BTRC: variants seen among roughly 807,000 people sequenced by gnomAD.
BTRC encodes the protein beta-transducin repeat containing E3 ubiquitin protein ligase.
In BTRC, 42 loss-of-function variants were observed where a neutral mutation model predicts 85.5. The ratio of observed to expected loss-of-function variants is 0.49; its 90% CI spans 0.38 to 0.64. The LOEUF is 0.64. BTRC is among the 30% of genes least tolerant of loss of function. The probability of loss-of-function intolerance (pLI) is 0.00; values close to 1 mark genes in which losing one functional copy is unlikely to be tolerated. For synonymous variants in BTRC, 255 were observed against 263.3 expected (o/e 0.97, Z 0.30); for missense variants, 594 against 743.5 (o/e 0.80, Z 2.34).
At chr10:101,481,839 A>G (rs1457402578) in intron 4 of BTRC, among the ~76,000 whole-genome samples, 3 of 152,108 alleles carry the variant, frequency 2.0e-5, no homozygotes, top group African/African-American at 4.8e-5. Flanking sequence ...ATCATTTCCT[A>G]TTGGAACCCA....
chr10:101,359,270 G>A, intron 1 of BTRC, among the ~76,000 whole-genome samples: 1 of 152,118 alleles, frequency 6.6e-6, no homozygotes, highest in Admixed American at 6.5e-5. Flanking sequence ...CCAGGTAGTG[G>A]GATGAACATC....
chr10:101,436,625 AATAGATAGATAGATAGATAG>A (rs113369211), intron 2 of BTRC, among the ~76,000 whole-genome samples: 140 of 147,084 alleles, frequency 9.5e-4, no homozygotes, highest in South Asian at 2.2e-3. Context: ...AATTAAAAAA[AATAGATAGATAGATAGATAG>A]ATAGATAGAT....
intron 2 of BTRC, among the ~76,000 whole-genome samples, chr10:101,431,916 G>T (rs1266246833): frequency 1.3e-5 from 2 of 152,006 alleles, no homozygotes; most frequent in East Asian, 1.9e-4. Context: ...AAGCATGCAG[G>T]TTCTAAAATT....
intron 8 of BTRC, among the ~76,000 whole-genome samples, 151 bp from the exon 9 acceptor site, chr10:101,532,781 TGTGTGTGTGCGCGTGTGCGC>T (rs1187890926): frequency 4.2e-4 from 34 of 80,608 alleles, no homozygotes; most frequent in African/African-American, 1.4e-3. Context: ...TGTGTGTGTG[TGTGTGTGTGCGCGTGTGCGC>T]GCGCGCGCGC....
chr10:101,553,021 A>G (rs2062675519), intron 14 of BTRC, 134 bp from the exon 15 acceptor site: 1 of 152,318 alleles, frequency 6.6e-6, no homozygotes, highest in Non-Finnish European at 1.5e-5. Context: ...TGCATGGCAT[A>G]GGCAGAGAGC....
chr10:101,499,998 A>C (rs1387613796), intron 4 of BTRC, among the ~76,000 whole-genome samples: 1 of 151,592 alleles, frequency 6.6e-6, no homozygotes, highest in Non-Finnish European at 1.5e-5. Flanking sequence ...GGCAAAGAAC[A>C]GTGGCCATCT....
rs186666664 is a variant in BTRC at position 101,504,142 on chromosome 10, A to G, written c.325-17497A>G. On this transcript the variant is annotated intron_variant, in intron 4 of 14. Transcript: ENST00000370187. ...GAAATTTTATTCTGGTAATCTTAACATAATTTGACATCTAGGTGAACAACC... is the reference window on the plus strand; with the variant it reads ...GAAATTTTATTCTGGTAATCTTAACGTAATTTGACATCTAGGTGAACAACC... Among the ~76,000 whole-genome samples the G allele has an allele frequency of 4.2e-3, 635 of 152,320 alleles. 10 individuals are homozygous for G. Among genetic ancestry groups the G allele is most frequent in the Non-Finnish European group, 5.1e-3 (346 of 68,026 alleles).
intron 2 of BTRC, among the ~76,000 whole-genome samples, chr10:101,451,186 A>G (rs1564780954): frequency 6.6e-6 from 1 of 152,208 alleles, no homozygotes; most frequent in Non-Finnish European, 1.5e-5. Flanking sequence ...AGGTAGCAGT[A>G]TTAAAAGAAC....
intron 1 of BTRC, among the ~76,000 whole-genome samples, chr10:101,363,997 A>C (rs1312501531): frequency 6.6e-6 from 1 of 152,248 alleles, no homozygotes; most frequent in East Asian, 1.9e-4. Context: ...TGGGTAGTGG[A>C]TGATCTAAAC....
intron 12 of BTRC, among the ~76,000 whole-genome samples, chr10:101,537,726 CA>C (rs1164360821): frequency 6.6e-6 from 1 of 152,200 alleles, no homozygotes; most frequent in African/African-American, 2.4e-5. Flanking sequence ...TGCTTTGGGA[CA>C]GCCATCACTG....
At position 101,538,148 on chromosome 10, in the gene BTRC, A is replaced by G. The variant is rs929133057; in HGVS notation, c.1578-145A>G. The G allele has an allele frequency of 1.9e-5, 13 of 695,028 alleles. No homozygotes were observed. In the Admixed American group the frequency reaches 2.6e-4, roughly 14 times the overall value. 43.1% of individuals were successfully genotyped at this position (695,028 alleles called of 1,614,324 possible). A position where few individuals can be genotyped will look rare whatever the true frequency, so the allele number is the denominator to read the frequency against. ...AACTGTCTTCAGTTTGGTTAAAGCT[A>G]GCCTGTTTCTCATTTGTAGGTTAAT... On this transcript the variant is annotated intron_variant, in intron 12 of 14. Transcript: ENST00000370187.
chr10:101,518,232 C>A (rs778338558), intron 4 of BTRC, among the ~76,000 whole-genome samples: 2 of 152,178 alleles, frequency 1.3e-5, no homozygotes, highest in African/African-American at 2.4e-5. Flanking sequence ...CTTAATTGGC[C>A]TCCTTCTATT....
intron 4 of BTRC, among the ~76,000 whole-genome samples, chr10:101,494,680 A>T (rs1946216790): frequency 6.6e-6 from 1 of 152,212 alleles, no homozygotes; most frequent in African/African-American, 2.4e-5. Context: ...TGGAAAAGCC[A>T]TGTTTCTTTC....
chr10:101,414,661 C>T lies in BTRC; in HGVS notation c.49-15684C>T, dbSNP rs183996775. The T allele has an allele frequency of 7.7e-3, 3,962 of 517,468 alleles. 28 individuals are homozygous for T. Among genetic ancestry groups the T allele is most frequent in the Non-Finnish European group, 0.011 (2,813 of 259,246 alleles). The allele number at this position is 517,468 out of a possible 1,614,324, so 32.1% of individuals were successfully genotyped here. On this transcript the variant is annotated intron_variant, in intron 1 of 14. Transcript: ENST00000370187. ...GATGTTAATTGCTCCCAAAGACCTT[C>T]CAGTGCCATAAGCTATGAAGGTAGA...
In BTRC at chr10:101,526,169, T is replaced by C; in HGVS notation, c.713T>C (p.Leu238Pro). Reference protein sequence around the residue: ...LIERMVRTDSLWRGLAERRGW... With the variant: ...LIERMVRTDSPWRGLAERRGW... ...GAGAGAATGGTCAGGACAGATTCTC[T>C]GTGGAGAGGCCTGGCAGAACGAAGA... is the stretch of plus-strand genomic sequence containing the variant. The change falls in exon 6 of 15, where the codon CTG becomes CCG. Residue 238 changes from leucine (L) to proline (P), a missense_variant. This residue lies in a region of BTRC where 373 missense variants were observed against 503.6 expected (regional missense o/e 0.74). Transcript: ENST00000370187. The C allele has an allele frequency of 6.2e-7, 1 of 1,614,142 alleles. No individual in the cohort carries two copies. The highest frequency in any genetic ancestry group is 8.5e-7 in the Non-Finnish European group (1 of 1,179,980).
At chr10:101,444,499 G>A (rs1003522289) in intron 2 of BTRC, among the ~76,000 whole-genome samples, 2 of 152,118 alleles carry the variant, frequency 1.3e-5, no homozygotes, top group African/African-American at 4.8e-5. Context: ...CACAGAGTGT[G>A]GTAACTCCTT....
intron 1 of BTRC, among the ~76,000 whole-genome samples, chr10:101,418,367 CA>C (rs56909307): frequency 1.4e-5 from 2 of 144,156 alleles, no homozygotes; most frequent in Admixed American, 6.9e-5. Context: ...GACTCTGTCT[CA>C]AAAAAAAACA....
At chr10:101,455,871 G>C (rs1945062446) in intron 2 of BTRC, among the ~76,000 whole-genome samples, 1 of 152,062 alleles carries the variant, frequency 6.6e-6, no homozygotes, top group Non-Finnish European at 1.5e-5. Context: ...GCCGGGCATG[G>C]TGGCTTACGC....
At chr10:101,495,796 A>G (rs959528292) in intron 4 of BTRC, among the ~76,000 whole-genome samples, 1 of 144,688 alleles carries the variant, frequency 6.9e-6, no homozygotes, top group South Asian at 2.1e-4. Context: ...TGTGATTACC[A>G]TCAGATTTTA....
Sources: gnomAD v4.1 joint callset for allele counts (sites outside exome capture counted in the v4.1 genomes callset) on GRCh38, gnomAD v4.1.1 for gene constraint, gnomAD v4.1.1 regional missense constraint, MANE v1.5 for transcripts, NCBI Gene and HGNC (gene_info 2026-07-23, HGNC 2026-07-21) for gene names.